ESRP1: variants seen among roughly 807,000 people sequenced by gnomAD.
The protein encoded by ESRP1 is epithelial splicing regulatory protein 1, also known as RNA-binding motif protein 35A.
In ESRP1, 33 loss-of-function variants were observed where a neutral mutation model predicts 81.7. That is an observed-to-expected ratio of 0.40 (90% CI 0.31 to 0.54). The LOEUF (loss-of-function observed/expected upper bound fraction) is 0.54. Ranked by LOEUF, ESRP1 falls within the 20% of genes least tolerant of loss-of-function variation. The pLI, the probability that ESRP1 is intolerant of heterozygous loss-of-function variation, is 0.41. For synonymous variants in ESRP1, 320 were observed against 303.3 expected (o/e 1.06, Z -0.57); for missense variants, 672 against 833.1 (o/e 0.81, Z 2.38).
chr8:94,705,256 C>T (rs1810025381), intron 15 of ESRP1, among the ~76,000 whole-genome samples: 1 of 148,388 alleles, frequency 6.7e-6, no homozygotes, highest in Non-Finnish European at 1.5e-5. Context: ...TAACCTCCAC[C>T]TCCCAGGTTA....
rs182826885 is a variant in ESRP1, at chr8:94,697,941, T to C, written c.*35+980T>C. On this transcript the variant is annotated intron_variant, in intron 15 of 15. Transcript: ENST00000433389. Reference sequence around the variant, plus strand: ...GATTACAGGCACCTGCCACCATGCCTGGCTTTTTTTTTGTATTTTTTAGTA... The same window carrying C: ...GATTACAGGCACCTGCCACCATGCCCGGCTTTTTTTTTGTATTTTTTAGTA... Among the ~76,000 whole-genome samples the C allele has an allele frequency of 4.8e-3, 723 of 152,162 alleles. 9 individuals carry two copies. The highest frequency in any genetic ancestry group is 0.017 in the African/African-American group (698 of 41,524).
In ESRP1 at chr8:94,678,226, T is replaced by A; in HGVS notation, c.1675T>A (p.Phe559Ile). The A allele has an allele frequency of 1.9e-6, 3 of 1,614,040 alleles. No homozygotes were observed. The highest frequency in any genetic ancestry group is 2.5e-6 in the Non-Finnish European group (3 of 1,179,894). Residue 559 changes from phenylalanine to isoleucine, a missense_variant, in exon 13 of 16, where the codon TTT becomes ATT. Physicochemically the swap from Phe to Ile is conservative, Grantham distance 21. Transcript: ENST00000433389. ...AGGCCTGTCTCCTCCCTCCTACACA[T>A]TTCCAGCTCCTGCTGCAGTTATTCC... ...LPCLSPPSYT[F>I]PAPAAVIPTE...
intron 9 of ESRP1, among the ~76,000 whole-genome samples, chr8:94,667,245 G>A (rs1280157662): frequency 1.3e-5 from 2 of 151,604 alleles, no homozygotes; most frequent in East Asian, 1.9e-4. Context: ...GAAGCAAAAA[G>A]AAGAACGTGC....
chr8:94,695,117 C>A (rs1261496544), intron 14 of ESRP1, among the ~76,000 whole-genome samples: 1 of 152,084 alleles, frequency 6.6e-6, no homozygotes, highest in African/African-American at 2.4e-5. Flanking sequence ...GGGGTTCCAT[C>A]TTCTTTAGAT....
intron 4 of ESRP1, among the ~76,000 whole-genome samples, chr8:94,650,048 T>C (rs1818043967): frequency 6.6e-6 from 1 of 152,134 alleles, no homozygotes; most frequent in South Asian, 2.1e-4. Context: ...GCCCCCTCAC[T>C]GTGAAAGTGC....
intron 4 of ESRP1, among the ~76,000 whole-genome samples, chr8:94,661,601 C>T (rs1224979479): frequency 6.6e-6 from 1 of 152,150 alleles, no homozygotes; most frequent in Non-Finnish European, 1.5e-5. Flanking sequence ...CCTGGTTTCA[C>T]CCTCAAACCA....
At chr8:94,658,099 A>G (rs1818527941) in intron 4 of ESRP1, among the ~76,000 whole-genome samples, 1 of 152,142 alleles carries the variant, frequency 6.6e-6, no homozygotes, top group Non-Finnish European at 1.5e-5. Flanking sequence ...TTTAGTCGAG[A>G]CAGGAGTTCA....
chr8:94,666,000 T>C (rs1400176315), intron 9 of ESRP1, among the ~76,000 whole-genome samples: 5 of 152,236 alleles, frequency 3.3e-5, no homozygotes, highest in Non-Finnish European at 7.3e-5. Flanking sequence ...ATGTGGTTTT[T>C]ATCCAGTTAT....
chr8:94,685,401 A>T (rs149684076), intron 13 of ESRP1, among the ~76,000 whole-genome samples: 56 of 152,304 alleles, frequency 3.7e-4, no homozygotes, highest in African/African-American at 1.3e-3. Context: ...ATCTTGGCCA[A>T]TTAAATTGAT....
In ESRP1 at chr8:94,662,361, G is replaced by C. The variant is rs1392538512; in HGVS notation, c.580G>C (p.Glu194Gln). ...GAATATAATTTTAGCAATGATTTCA[G>C]AGCCTTATAGTAAGTATTGCTTTTA... ...MGNIILAMIS[E>Q]PYNHRFSDPE... Residue 194 changes from glutamate (E) to glutamine (Q), a missense_variant, in exon 5 of 16, where the codon GAG becomes CAG. Glu to Gln is a conservative substitution (Grantham distance 29). Transcript: ENST00000433389. The C allele has an allele frequency of 6.4e-7, 1 of 1,574,394 alleles. No homozygotes were observed. The highest frequency in any genetic ancestry group is 8.6e-7 in the Non-Finnish European group (1 of 1,157,344).
At chr8:94,696,785 C>A in intron 14 of ESRP1, 67 bp from the exon 15 acceptor site, 1 of 1,251,232 alleles carries the variant, frequency 8.0e-7, no homozygotes, top group Non-Finnish European at 1.1e-6. Flanking sequence ...ATCTATTTAG[C>A]TGAAATATTA....
intron 14 of ESRP1, among the ~76,000 whole-genome samples, chr8:94,695,747 C>G (rs537458393): frequency 1.4e-5 from 2 of 146,174 alleles, no homozygotes; most frequent in East Asian, 3.9e-4. Context: ...TTTCCTCCAA[C>G]CTTTAACAAA....
chr8:94,696,933 C>T lies in ESRP1; in HGVS notation c.*7C>T. The T allele has an allele frequency of 6.3e-7, 1 of 1,577,068 alleles. No homozygotes were observed. The highest frequency in any genetic ancestry group is 8.6e-7 in the Non-Finnish European group (1 of 1,160,120). On this transcript the variant is annotated 3_prime_UTR_variant, in exon 15 of 16. Transcript: ENST00000433389. ...AGAATGGGTTTGTATTTAAGGGCCC[C>T]AGCAGTTAGAACATCCTCAGAAAAG...
At chr8:94,690,740 G>A (rs1024508307) in intron 13 of ESRP1, among the ~76,000 whole-genome samples, 4 of 152,136 alleles carry the variant, frequency 2.6e-5, no homozygotes, top group Admixed American at 6.6e-5. Context: ...CTTTAGGCAA[G>A]TGGAATAGAA....
intron 4 of ESRP1, among the ~76,000 whole-genome samples, chr8:94,659,454 ATC>A (rs1396377956): frequency 6.6e-6 from 1 of 152,186 alleles, no homozygotes; most frequent in African/African-American, 2.4e-5. Context: ...TGGTTACCCC[ATC>A]TCTCTCCCTC....
intron 15 of ESRP1, among the ~76,000 whole-genome samples, chr8:94,705,268 A>G (rs1234350975): frequency 6.7e-6 from 1 of 149,168 alleles, no homozygotes; most frequent in Non-Finnish European, 1.5e-5. Flanking sequence ...CCCAGGTTAA[A>G]GCAATTCTCC....
At chr8:94,660,149 C>G (rs569710696) in intron 4 of ESRP1, among the ~76,000 whole-genome samples, 13 of 152,332 alleles carry the variant, frequency 8.5e-5, no homozygotes, top group African/African-American at 2.9e-4. Flanking sequence ...ACAGCCTTCT[C>G]TTAGAAGATG....
chr8:94,669,406 A>G (rs1048414547), intron 10 of ESRP1, among the ~76,000 whole-genome samples: 2 of 152,118 alleles, frequency 1.3e-5, no homozygotes, highest in African/African-American at 2.4e-5. Flanking sequence ...ATCCCATTAT[A>G]TGTTGTGATT....
At chr8:94,696,161 A>G (rs1809598571) in intron 14 of ESRP1, among the ~76,000 whole-genome samples, 1 of 152,214 alleles carries the variant, frequency 6.6e-6, no homozygotes, top group African/African-American at 2.4e-5. Flanking sequence ...TACCATGAAA[A>G]TACTTGGTAA....
Sources: allele counts gnomAD v4.1 joint callset (sites outside exome capture counted in the v4.1 genomes callset), GRCh38; gene constraint gnomAD v4.1.1; transcripts MANE v1.5; gene names NCBI Gene and HGNC (gene_info 2026-07-23, HGNC 2026-07-21).